Variants in DLG2 observed in about 807,000 individuals in gnomAD.
DLG2 encodes discs large MAGUK scaffold protein 2.
A neutral mutation model predicts 132.5 loss-of-function variants in DLG2; 45 were observed. The ratio of observed to expected loss-of-function variants is 0.34; its 90% CI spans 0.27 to 0.44. DLG2 has a LOEUF of 0.44. DLG2 is among the 20% of genes least tolerant of loss of function. The pLI is 1.00. For synonymous variants in DLG2, 424 were observed against 419.6 expected (o/e 1.01, Z -0.13); for missense variants, 1,045 against 1,196.9 (o/e 0.87, Z 1.87).
intron 8 of DLG2, among the ~76,000 whole-genome samples, chr11:84,187,694 A>T (rs1003509630): frequency 6.6e-6 from 1 of 151,918 alleles, no homozygotes; most frequent in African/African-American, 2.4e-5. Context: ...ATTTTAGGAT[A>T]AAAAAAATAA....
chr11:84,404,918 C>T (rs2098843370), intron 7 of DLG2, among the ~76,000 whole-genome samples: 1 of 152,032 alleles, frequency 6.6e-6, no homozygotes, highest in African/African-American at 2.4e-5. Flanking sequence ...TTTTTATAGA[C>T]CAATAGCCTA....
intron 6 of DLG2, among the ~76,000 whole-genome samples, chr11:84,953,617 G>A (rs184324050): frequency 6.6e-6 from 1 of 152,030 alleles, no homozygotes. Flanking sequence ...TAATTTGCAG[G>A]GTAGTTGCAA....
chr11:83,675,872 C>T (rs925822200), intron 18 of DLG2, among the ~76,000 whole-genome samples: 1 of 152,190 alleles, frequency 6.6e-6, no homozygotes, highest in African/African-American at 2.4e-5. Context: ...TCCTACTCTT[C>T]CTGGAAGCCA....
intron 8 of DLG2, among the ~76,000 whole-genome samples, chr11:84,186,874 T>A (rs990779538): frequency 6.6e-6 from 1 of 151,950 alleles, no homozygotes; most frequent in Non-Finnish European, 1.5e-5. Context: ...GGTAAGTGAA[T>A]GGTAGCTAAA....
intron 19 of DLG2, among the ~76,000 whole-genome samples, chr11:83,567,135 C>T (rs1333814607): frequency 6.6e-6 from 1 of 152,246 alleles, no homozygotes; most frequent in Non-Finnish European, 1.5e-5. Flanking sequence ...TTTCGGGTGA[C>T]TCGTTGAAAG....
At chr11:85,535,351 A>G (rs472784) in intron 3 of DLG2, among the ~76,000 whole-genome samples, 21,933 of 152,082 alleles carry the variant, frequency 0.14, 2,162 homozygotes, top group Non-Finnish European at 0.22. Context: ...TACCAATTTG[A>G]TAGGTCATTG....
intron 19 of DLG2, among the ~76,000 whole-genome samples, chr11:83,542,247 C>T (rs866499958): frequency 6.6e-6 from 1 of 152,050 alleles, no homozygotes; most frequent in African/African-American, 2.4e-5. Context: ...AGAAACATGG[C>T]TATATTTCTA....
chr11:83,487,055 CTAT>C (rs71463166), intron 21 of DLG2, among the ~76,000 whole-genome samples: 65,362 of 151,450 alleles, frequency 0.43, 14,438 homozygotes, highest in African/African-American at 0.54. Flanking sequence ...AGCAATTCTG[CTAT>C]TATTTGTAGA....
intron 7 of DLG2, among the ~76,000 whole-genome samples, chr11:84,502,411 T>TC (rs2099222125): frequency 7.8e-6 from 1 of 127,972 alleles, no homozygotes; most frequent in Non-Finnish European, 1.7e-5. Context: ...TCTTTCTTTC[T>TC]TTCTATACAG....
At chr11:84,394,200 A>T (rs1177837062) in intron 7 of DLG2, among the ~76,000 whole-genome samples, 1 of 152,114 alleles carries the variant, frequency 6.6e-6, no homozygotes, top group African/African-American at 2.4e-5. Context: ...CACACAAAGC[A>T]ATGTTTTTCT....
At chr11:83,481,959 C>T (rs912652497) in intron 22 of DLG2, among the ~76,000 whole-genome samples, 98 of 151,998 alleles carry the variant, frequency 6.4e-4, no homozygotes, top group African/African-American at 2.1e-3. Context: ...TTATTATTAA[C>T]AATATATTAA....
chr11:85,230,669 A>C lies in DLG2; in HGVS notation c.186+54551T>G, dbSNP rs1192467197. ...TTATCTTTGGTTTGTCAGCAATTCAAGCATGGTTATGATTGATGTTCATTA... is the reference window on the plus strand; with the variant it reads ...TTATCTTTGGTTTGTCAGCAATTCACGCATGGTTATGATTGATGTTCATTA... On this transcript the variant is annotated intron_variant, in intron 4 of 27. Transcript: ENST00000376104. 2.0e-5 allele frequency among the ~76,000 whole-genome samples: 3 copies of C among 151,912 alleles called. No homozygotes were observed. In the South Asian group the frequency reaches 6.2e-4, roughly 31 times the overall value.
intron 7 of DLG2, chr11:84,316,867 C>T (rs2098362911): frequency 6.2e-7 from 1 of 1,612,788 alleles, no homozygotes; most frequent in Non-Finnish European, 8.5e-7. Flanking sequence ...TACAATGCTC[C>T]CCACAAGTCC....
intron 6 of DLG2, among the ~76,000 whole-genome samples, chr11:84,535,575 T>G (rs2099353471): frequency 6.6e-6 from 1 of 152,204 alleles, no homozygotes; most frequent in Non-Finnish European, 1.5e-5. Context: ...GGTTCAGGGT[T>G]AGGAATGCTC....
At chr11:83,700,200 C>A (rs2082683795) in intron 18 of DLG2, among the ~76,000 whole-genome samples, 1 of 152,000 alleles carries the variant, frequency 6.6e-6, no homozygotes, top group Non-Finnish European at 1.5e-5. Context: ...AAAGAGCTTA[C>A]CATGGGGCTT....
intron 7 of DLG2, among the ~76,000 whole-genome samples, chr11:84,291,449 A>G (rs2097996045): frequency 6.6e-6 from 1 of 152,182 alleles, no homozygotes; most frequent in Non-Finnish European, 1.5e-5. Flanking sequence ...TATGGAGTAT[A>G]TATCCCCTCA....
At chr11:83,592,971 A>T (rs1157946370) in intron 19 of DLG2, among the ~76,000 whole-genome samples, 3 of 145,336 alleles carry the variant, frequency 2.1e-5, no homozygotes, top group Non-Finnish European at 4.5e-5. Context: ...TTAGAATGGC[A>T]ATCATTAAAA....
chr11:83,910,432 T>A (rs11233801), intron 15 of DLG2, among the ~76,000 whole-genome samples: 10,873 of 152,192 alleles, frequency 0.071, 532 homozygotes, highest in African/African-American at 0.13. Context: ...AACATGAACA[T>A]CAAATGAACG....
At position 84,412,728 on chromosome 11, in the gene DLG2, G is replaced by C. The variant is rs118150772; in HGVS notation, c.519+121842C>G. Reference sequence around the variant, plus strand: ...TGGCAAGCTAAGCACCTGCCTTAAGGCTCCATGGTTTTGAGCTTTAAGTTT... The same window carrying C: ...TGGCAAGCTAAGCACCTGCCTTAAGCCTCCATGGTTTTGAGCTTTAAGTTT... On this transcript the variant is annotated intron_variant, in intron 7 of 27. Transcript: ENST00000376104. Among the ~76,000 whole-genome samples, 304 of 152,246 alleles carry C rather than the reference G, an allele frequency of 2.0e-3. 1 individual carries two copies. The highest frequency in any genetic ancestry group is 3.3e-3 in the Non-Finnish European group (226 of 68,022).
Sources: allele counts gnomAD v4.1 joint callset (sites outside exome capture counted in the v4.1 genomes callset), GRCh38; gene constraint gnomAD v4.1.1; transcripts MANE v1.5; gene names NCBI Gene and HGNC (gene_info 2026-07-23, HGNC 2026-07-21).